GRIA1: variants seen among roughly 807,000 people sequenced by gnomAD.
GRIA1 encodes glutamate receptor 1.
Under a neutral mutation model 99.2 loss-of-function variants are expected in GRIA1, and 31 were observed. That is an observed-to-expected ratio of 0.31 (90% CI 0.23 to 0.42). The LOEUF is 0.42. GRIA1 is among the 10% of genes least tolerant of loss of function. The pLI, the probability that GRIA1 is intolerant of heterozygous loss-of-function variation, is 1.00. For missense variants in GRIA1, 782 were observed against 1,157.5 expected, an observed-to-expected ratio of 0.68 and a Z score of 4.71; for synonymous variants, 438 against 432.4, an observed-to-expected ratio of 1.01 and a Z score of -0.16.
chr5:153,617,598 T>C (rs1460428531), intron 2 of GRIA1, among the ~76,000 whole-genome samples: 7 of 152,178 alleles, frequency 4.6e-5, no homozygotes, highest in Non-Finnish European at 8.8e-5. Context: ...TACATGAGTA[T>C]ACAGAATCTT....
chr5:153,711,612 T>C (rs1371194824), intron 11 of GRIA1, among the ~76,000 whole-genome samples: 1 of 152,110 alleles, frequency 6.6e-6, no homozygotes, highest in Middle Eastern at 3.2e-3. Flanking sequence ...AGACATTTTA[T>C]CTAAGATCAC....
chr5:153,578,035 TA>T (rs1482139110), intron 2 of GRIA1, among the ~76,000 whole-genome samples: 3 of 149,956 alleles, frequency 2.0e-5, no homozygotes, highest in African/African-American at 7.4e-5. Flanking sequence ...CCTGTAATTC[TA>T]GCTACTCGGG....
intron 11 of GRIA1, among the ~76,000 whole-genome samples, chr5:153,727,079 A>G (rs974501405): frequency 1.3e-5 from 2 of 152,160 alleles, no homozygotes; most frequent in African/African-American, 4.8e-5. Flanking sequence ...AGGCTGGTTC[A>G]ATATATGCAA....
At chr5:153,636,542 A>G (rs575369875) in intron 2 of GRIA1, among the ~76,000 whole-genome samples, 2 of 152,324 alleles carry the variant, frequency 1.3e-5, no homozygotes, top group South Asian at 4.1e-4. Context: ...CAGAGACCAC[A>G]TGGCCCGCAA....
intron 11 of GRIA1, among the ~76,000 whole-genome samples, chr5:153,749,515 A>G (rs146005342): frequency 1.3e-5 from 2 of 152,188 alleles, no homozygotes; most frequent in Non-Finnish European, 2.9e-5. Flanking sequence ...TGCAGATCAC[A>G]TGGAGAGAGA....
At chr5:153,526,780 G>C (rs1364132991) in intron 2 of GRIA1, among the ~76,000 whole-genome samples, 4 of 152,220 alleles carry the variant, frequency 2.6e-5, no homozygotes, top group East Asian at 3.8e-4. Context: ...GCACAGGGCA[G>C]CAAAGCAAAA....
intron 11 of GRIA1, among the ~76,000 whole-genome samples, chr5:153,724,378 C>T (rs953575491): frequency 1.9e-4 from 29 of 152,178 alleles, no homozygotes; most frequent in Non-Finnish European, 2.6e-4. Context: ...TCACCAGCAA[C>T]GGAACAAAGC....
At chr5:153,710,451 G>C (rs1228071949) in intron 11 of GRIA1, among the ~76,000 whole-genome samples, 1 of 152,118 alleles carries the variant, frequency 6.6e-6, no homozygotes, top group Non-Finnish European at 1.5e-5. Context: ...TTGAACCCCT[G>C]AACCCAAGTG....
At chr5:153,661,604 G>T (rs187367851) in intron 5 of GRIA1, among the ~76,000 whole-genome samples, 64 of 152,216 alleles carry the variant, frequency 4.2e-4, no homozygotes, top group African/African-American at 1.5e-3. Context: ...CTTATTCTCT[G>T]TTGAATTCCC....
At chr5:153,498,095 A>G (rs1383307496) in intron 2 of GRIA1, among the ~76,000 whole-genome samples, 3 of 152,196 alleles carry the variant, frequency 2.0e-5, no homozygotes, top group African/African-American at 4.8e-5. Flanking sequence ...GAACCATGGA[A>G]TTTCACATTA....
intron 7 of GRIA1, among the ~76,000 whole-genome samples, chr5:153,680,360 C>G (rs554795347): frequency 6.6e-6 from 1 of 152,156 alleles, no homozygotes; most frequent in African/African-American, 2.4e-5. Flanking sequence ...CCTCAGCACT[C>G]CAGGAAGGAT....
chr5:153,760,052 C>T (rs1306362319), intron 11 of GRIA1, among the ~76,000 whole-genome samples: 1 of 151,846 alleles, frequency 6.6e-6, no homozygotes, highest in Non-Finnish European at 1.5e-5. Context: ...TACCTCCACA[C>T]AATAAAGGCC....
intron 2 of GRIA1, among the ~76,000 whole-genome samples, chr5:153,554,374 G>GTATATTTAA (rs1415713958): frequency 1.3e-5 from 2 of 152,154 alleles, no homozygotes; most frequent in African/African-American, 4.8e-5. Context: ...TATTATCAAA[G>GTATATTTAA]GACTATGTGT....
chr5:153,706,102 C>A, intron 11 of GRIA1, 35 bp downstream of exon 11: 3 of 1,199,620 alleles, frequency 2.5e-6, no homozygotes, highest in South Asian at 1.5e-5. Flanking sequence ...TTGCCTAATG[C>A]TATGGTTTTG....
At chr5:153,696,099 G>T (rs576870046) in intron 8 of GRIA1, among the ~76,000 whole-genome samples, 17 of 152,270 alleles carry the variant, frequency 1.1e-4, no homozygotes, top group Middle Eastern at 3.4e-3. Flanking sequence ...CATGCAGGGG[G>T]CACGTCCCTG....
intron 2 of GRIA1, among the ~76,000 whole-genome samples, chr5:153,539,144 T>C (rs1758846138): frequency 6.6e-6 from 1 of 152,204 alleles, no homozygotes; most frequent in South Asian, 2.1e-4. Context: ...TATCTGTGCA[T>C]TTACTTATAT....
At chr5:153,579,003 G>A (rs1762814428) in intron 2 of GRIA1, among the ~76,000 whole-genome samples, 1 of 152,096 alleles carries the variant, frequency 6.6e-6, no homozygotes, top group African/African-American at 2.4e-5. Context: ...TTAAACTACT[G>A]ATTGTCCTTC....
At chr5:153,674,992 T>TA (rs1198912403) in intron 6 of GRIA1, among the ~76,000 whole-genome samples, 2 of 152,110 alleles carry the variant, frequency 1.3e-5, no homozygotes, top group Non-Finnish European at 2.9e-5. Flanking sequence ...GGCTGCTGCC[T>TA]AATAGTACAA....
chr5:153,756,675 G>C (rs150048799), intron 11 of GRIA1, among the ~76,000 whole-genome samples: 1 of 152,184 alleles, frequency 6.6e-6, no homozygotes, highest in East Asian at 1.9e-4. Flanking sequence ...AACCAAGCTG[G>C]AGTACCATCC....
Sources: gnomAD v4.1 joint callset for allele counts (sites outside exome capture counted in the v4.1 genomes callset) on GRCh38, gnomAD v4.1.1 for gene constraint, MANE v1.5 for transcripts, NCBI Gene and HGNC (gene_info 2026-07-23, HGNC 2026-07-21) for gene names.